The following DYM variants were observed in gnomAD, a reference collection of about 807,000 sequenced individuals.
DYM encodes the protein dymeclin.
Under a neutral mutation model 93.1 loss-of-function variants are expected in DYM, and 78 were observed. That is an observed-to-expected ratio of 0.84 (90% CI 0.70 to 1.01). DYM has a LOEUF of 1.01. Ranked by LOEUF, DYM falls within the 50% of genes least tolerant of loss-of-function variation. The pLI is 0.00. For missense variants in DYM, 789 were observed against 845.0 expected (o/e 0.93, Z 0.82); for synonymous variants, 321 against 319.7 (o/e 1.00, Z -0.04).
rs373732441 is a variant in DYM at position 49,385,838 on chromosome 18, T to TC, written c.193+5754dup. On this transcript the variant is annotated intron_variant, in intron 3 of 17. Transcript: ENST00000675505. ...GGGAGGCATGCTTGGGGTCAGGAGT[T>TC]CAAGACAAGACTGGATAAGAGTGTG... Among the ~76,000 whole-genome samples, 173 of 151,426 alleles carry TC rather than the reference T, an allele frequency of 1.1e-3. 2 individuals carry two copies. Among genetic ancestry groups the TC allele is most frequent in the African/African-American group, 4.1e-3 (169 of 41,224 alleles).
At chr18:49,236,330 A>T (rs2093860209) in intron 13 of DYM, among the ~76,000 whole-genome samples, 2 of 152,018 alleles carry the variant, frequency 1.3e-5, no homozygotes, top group Non-Finnish European at 2.9e-5. Flanking sequence ...AATACAAAAA[A>T]TTAGCAGGGT....
chr18:49,107,926 TCAAAGCTGTCAGA>T (rs1248787887), intron 16 of DYM, among the ~76,000 whole-genome samples: 1 of 152,330 alleles, frequency 6.6e-6, no homozygotes, highest in African/African-American at 2.4e-5. Context: ...ACTACTCTCT[TCAAAGCTGTCAGA>T]CAGGGACATT....
rs72642453 is a variant in DYM at position 49,313,449 on chromosome 18, C to A, written c.763+18415G>T. Among the ~76,000 whole-genome samples the A allele has an allele frequency of 6.6e-3, 595 of 90,514 alleles. 29 individuals carry two copies. In the East Asian group the frequency reaches 0.13, roughly 20 times the overall value. 59.4% of individuals were successfully genotyped at this position (90,514 alleles called of 152,430 possible). On this transcript the variant is annotated intron_variant, in intron 8 of 17. Transcript: ENST00000675505. Reference sequence around the variant, plus strand: ...CTGAACTCCAGTCTCGGCAACAGAGCAAGACTCTGTCACAAAAAAAAAAAA... The same window carrying A: ...CTGAACTCCAGTCTCGGCAACAGAGAAAGACTCTGTCACAAAAAAAAAAAA...
chr18:49,067,368 G>GAGTA (rs1599486391), intron 17 of DYM, among the ~76,000 whole-genome samples: 1 of 149,428 alleles, frequency 6.7e-6, no homozygotes, highest in African/African-American at 2.5e-5. Flanking sequence ...GGGGTGATGT[G>GAGTA]TTATGGAGGT....
chr18:49,311,609 G>A (rs1323899667), intron 8 of DYM, among the ~76,000 whole-genome samples: 1 of 151,184 alleles, frequency 6.6e-6, no homozygotes, highest in Admixed American at 6.6e-5. Flanking sequence ...CCATCATTCT[G>A]AACAAACCAT....
intron 7 of DYM, among the ~76,000 whole-genome samples, chr18:49,332,250 C>T (rs1200041752): frequency 6.6e-6 from 1 of 152,126 alleles, no homozygotes; most frequent in Non-Finnish European, 1.5e-5. Flanking sequence ...TACTTAAATA[C>T]TTTTTTTCTG....
rs925812870 is a variant in DYM at position 49,163,472 on chromosome 18, A to C, written c.1728+213T>G. On this transcript the variant is annotated intron_variant, in intron 15 of 17. Transcript: ENST00000675505. ...GTGATTCTCCTGCCTCGGCCTCCCAAATAGCTGGGACTACAGGTGTGCACC... is the reference window on the plus strand; with the variant it reads ...GTGATTCTCCTGCCTCGGCCTCCCACATAGCTGGGACTACAGGTGTGCACC... 3.3e-5 allele frequency among the ~76,000 whole-genome samples: 5 copies of C among 151,990 alleles called. No individual in the cohort carries two copies. The South Asian group carries it at 1.0e-3, about 32-fold the overall frequency.
At chr18:49,046,192 G>A (rs747565180) in intron 17 of DYM, among the ~76,000 whole-genome samples, 6 of 133,800 alleles carry the variant, frequency 4.5e-5, no homozygotes, top group Non-Finnish European at 9.5e-5. Context: ...ACACAGACAC[G>A]CACACATAGA....
intron 17 of DYM, among the ~76,000 whole-genome samples, chr18:49,079,033 C>T (rs1269098375): frequency 6.6e-6 from 1 of 152,214 alleles, no homozygotes; most frequent in Non-Finnish European, 1.5e-5. Context: ...AGCTTTGATG[C>T]TACAATGCCT....
chr18:49,231,635 C>T (rs1453850965), intron 13 of DYM, among the ~76,000 whole-genome samples: 1 of 152,152 alleles, frequency 6.6e-6, no homozygotes, highest in East Asian at 1.9e-4. Context: ...TGCCACATTC[C>T]TTTTGGTTAT....
chr18:49,317,468 T>G (rs949792500), intron 8 of DYM, among the ~76,000 whole-genome samples: 1 of 151,690 alleles, frequency 6.6e-6, no homozygotes, highest in African/African-American at 2.4e-5. Context: ...GAAGTGGGCC[T>G]GGAAATGAAG....
In DYM at chr18:49,332,009, A is replaced by G. The variant is rs1159568653; in HGVS notation, c.621-3T>C. The stretch of plus-strand genomic sequence containing the variant: ...CAAGTTTGCTGGTGTATGGAAGACT[A>G]TACAAAAAGGAAAAAAAAATCAAAC... On this transcript the variant is annotated splice_polypyrimidine_tract_variant and splice_region_variant and intron_variant, in intron 7 of 17. Transcript: ENST00000675505. 1 of 1,613,064 alleles carries G rather than the reference A, an allele frequency of 6.2e-7. No homozygotes were observed. The highest frequency in any genetic ancestry group is 1.3e-5 in the African/African-American group (1 of 74,896).
chr18:49,229,952 G>T (rs181998663), intron 13 of DYM, among the ~76,000 whole-genome samples: 1 of 152,212 alleles, frequency 6.6e-6, no homozygotes, highest in East Asian at 1.9e-4. Context: ...ATACACACAA[G>T]AACATGGATA....
At chr18:49,192,631 G>A (rs1438448310) in intron 14 of DYM, among the ~76,000 whole-genome samples, 1 of 152,052 alleles carries the variant, frequency 6.6e-6, no homozygotes, top group Admixed American at 6.5e-5. Flanking sequence ...ACTGGTCAAT[G>A]TGTCTTTTTT....
chr18:49,298,581 C>CAA (rs34066907), intron 8 of DYM, among the ~76,000 whole-genome samples: 28,641 of 134,224 alleles, frequency 0.21, 3,274 homozygotes, highest in East Asian at 0.38. Flanking sequence ...AACTCCGTCT[C>CAA]AAAAAAAAAA....
At chr18:49,086,507 A>G (rs537302997) in intron 17 of DYM, among the ~76,000 whole-genome samples, 2 of 152,336 alleles carry the variant, frequency 1.3e-5, no homozygotes, top group African/African-American at 2.4e-5. Context: ...AAGTCTCAAC[A>G]TACGTTTGGA....
At chr18:49,326,074 T>C (rs1160992949) in intron 8 of DYM, among the ~76,000 whole-genome samples, 1 of 152,194 alleles carries the variant, frequency 6.6e-6, no homozygotes, top group Non-Finnish European at 1.5e-5. Flanking sequence ...GAATAATTAC[T>C]GAAGGTGCGA....
intron 1 of DYM, among the ~76,000 whole-genome samples, chr18:49,431,507 T>G (rs982788563): frequency 1.3e-5 from 2 of 152,236 alleles, no homozygotes; most frequent in African/African-American, 4.8e-5. Flanking sequence ...CAAATATGAA[T>G]CACTGTCTCC....
chr18:49,183,460 C>T (rs1460336038), intron 14 of DYM, among the ~76,000 whole-genome samples: 4 of 152,030 alleles, frequency 2.6e-5, no homozygotes, highest in Admixed American at 6.6e-5. Flanking sequence ...TCTGTTCCTC[C>T]GTTAACTGCT....
Sources: allele counts gnomAD v4.1 joint callset (sites outside exome capture counted in the v4.1 genomes callset), GRCh38; gene constraint gnomAD v4.1.1; transcripts MANE v1.5; gene names NCBI Gene and HGNC (gene_info 2026-07-23, HGNC 2026-07-21).